The following ZDHHC20 variants were observed in gnomAD, a reference collection of about 807,000 sequenced individuals.
The protein encoded by ZDHHC20 is zDHHC palmitoyltransferase 20.
Under a neutral mutation model 57.8 loss-of-function variants are expected in ZDHHC20, and 43 were observed. The ratio of observed to expected loss-of-function variants is 0.74; its 90% CI spans 0.58 to 0.96. ZDHHC20 has a LOEUF of 0.96. ZDHHC20 is among the 40% of genes least tolerant of loss of function. ZDHHC20 has a pLI of 0.00. For synonymous variants in ZDHHC20, 157 were observed against 153.0 expected, an observed-to-expected ratio of 1.03 and a Z score of -0.19; for missense variants, 391 against 441.1, an observed-to-expected ratio of 0.89 and a Z score of 1.02.
chr13:21,433,317 T>TA (rs542418296), intron 1 of ZDHHC20, among the ~76,000 whole-genome samples: 3 of 151,904 alleles, frequency 2.0e-5, no homozygotes, highest in South Asian at 4.2e-4. Flanking sequence ...TTGATTTCCT[T>TA]AAAAAAATAC....
Position 21,459,238 on chromosome 13 carries a change from T to G in ZDHHC20, c.-67A>C. 1 of 1,273,756 alleles carries G rather than the reference T, an allele frequency of 7.9e-7. No individual in the cohort carries two copies. Among genetic ancestry groups the G allele is most frequent in the Non-Finnish European group, 1.1e-6 (1 of 924,056 alleles). The allele number at this position is 1,273,756 out of a possible 1,614,324, so 78.9% of individuals were successfully genotyped here. On this transcript the variant is annotated 5_prime_UTR_variant, in exon 1 of 13. Coordinates refer to ENST00000400590, the MANE Select transcript of ZDHHC20 (RefSeq NM_001330059.2). ...GGGAGCGCGGGAGCCCCGGCGACGG[T>G]GACTCGGACGCTCCAGGCGGCTGCT...
At chr13:21,426,354 T>G (rs1334691790) in intron 1 of ZDHHC20, among the ~76,000 whole-genome samples, 3 of 152,176 alleles carry the variant, frequency 2.0e-5, no homozygotes, top group Non-Finnish European at 2.9e-5. Flanking sequence ...GGTTCTACTA[T>G]CTAAGTCTCT....
At chr13:21,407,605 T>A (rs1405740319) in intron 4 of ZDHHC20, among the ~76,000 whole-genome samples, 1 of 152,228 alleles carries the variant, frequency 6.6e-6, no homozygotes, top group Admixed American at 6.5e-5. Context: ...TTTCTTTTGC[T>A]GTGCAGAAGC....
intron 4 of ZDHHC20, among the ~76,000 whole-genome samples, chr13:21,403,304 A>AC (rs948080520): frequency 8.5e-5 from 13 of 152,082 alleles, no homozygotes; most frequent in South Asian, 2.1e-4. Flanking sequence ...TAAAAAAAAA[A>AC]AACACTTTTT....
At chr13:21,398,205 C>G (rs917121068) in intron 7 of ZDHHC20, among the ~76,000 whole-genome samples, 1 of 152,142 alleles carries the variant, frequency 6.6e-6, no homozygotes, top group Non-Finnish European at 1.5e-5. Context: ...TGGCTCACAC[C>G]TGTAATCCCA....
At chr13:21,457,143 G>A (rs1884995343) in intron 1 of ZDHHC20, among the ~76,000 whole-genome samples, 1 of 152,206 alleles carries the variant, frequency 6.6e-6, no homozygotes, top group Non-Finnish European at 1.5e-5. Flanking sequence ...TTTATTTGAA[G>A]TGGTGAAAGA....
At chr13:21,381,070 G>A (rs937589619) in intron 11 of ZDHHC20, among the ~76,000 whole-genome samples, 22 of 151,706 alleles carry the variant, frequency 1.5e-4, no homozygotes, top group Non-Finnish European at 2.4e-4. Context: ...GCAGTGGCGC[G>A]ATCTCAGCTC....
intron 1 of ZDHHC20, among the ~76,000 whole-genome samples, chr13:21,442,305 C>A (rs1883257576): frequency 6.6e-6 from 1 of 152,124 alleles, no homozygotes; most frequent in African/African-American, 2.4e-5. Context: ...ATCCTCTATG[C>A]CTTTACTGTA....
chr13:21,376,698 T>C (rs1202457698), intron 12 of ZDHHC20, 43 bp from the exon 13 acceptor site: 2 of 1,289,438 alleles, frequency 1.6e-6, no homozygotes, highest in Non-Finnish European at 2.1e-6. Context: ...CTTGATTTTT[T>C]ATTTCTGAAA....
rs746044620 is a variant in ZDHHC20, at chr13:21,375,142, GA to G, written c.*1553del. On this transcript the variant is annotated 3_prime_UTR_variant, in exon 13 of 13. Coordinates refer to ENST00000400590, the MANE Select transcript of ZDHHC20 (RefSeq NM_001330059.2). ...GAGCAAAACTCTGTGGAAAAAAGAA[GA>G]AAAAAATTTATTGGGTGAATGAAAA... 3.1e-5 allele frequency: 14 copies of G among 456,242 alleles called. No homozygotes were observed. The highest frequency in any genetic ancestry group is 2.2e-4 in the South Asian group (14 of 64,554). The allele number at this position is 456,242 out of a possible 1,614,324, so 28.3% of individuals were successfully genotyped here.
chr13:21,442,447 T>C (rs985653941), intron 1 of ZDHHC20, among the ~76,000 whole-genome samples: 1 of 152,200 alleles, frequency 6.6e-6, no homozygotes, highest in Non-Finnish European at 1.5e-5. Flanking sequence ...TGACTGTTTT[T>C]ATTGAGTTTT....
chr13:21,424,710 C>CA (rs10709528), intron 2 of ZDHHC20, among the ~76,000 whole-genome samples: 7,743 of 124,918 alleles, frequency 0.062, 239 homozygotes, highest in Non-Finnish European at 0.08. Context: ...GACTCTGTCT[C>CA]AAAAAAAAAA....
At chr13:21,405,611 T>C (rs1322829796) in intron 4 of ZDHHC20, among the ~76,000 whole-genome samples, 1 of 152,172 alleles carries the variant, frequency 6.6e-6, no homozygotes, top group Non-Finnish European at 1.5e-5. Context: ...TGATGAGCAA[T>C]GTGTAGGAGG....
At chr13:21,423,917 T>C (rs1315064773) in intron 2 of ZDHHC20, among the ~76,000 whole-genome samples, 1 of 151,960 alleles carries the variant, frequency 6.6e-6, no homozygotes, top group Non-Finnish European at 1.5e-5. Flanking sequence ...TACACTATCA[T>C]ATAACTTTGA....
At chr13:21,454,893 C>T (rs1884775145) in intron 1 of ZDHHC20, among the ~76,000 whole-genome samples, 1 of 151,988 alleles carries the variant, frequency 6.6e-6, no homozygotes, top group South Asian at 2.1e-4. Context: ...GAACAAACAA[C>T]ATAGCTCTTT....
chr13:21,414,965 T>G (rs1311482617), intron 3 of ZDHHC20, among the ~76,000 whole-genome samples: 2 of 152,156 alleles, frequency 1.3e-5, no homozygotes, highest in Non-Finnish European at 2.9e-5. Context: ...ATTCCTCAAT[T>G]TTTATTTACT....
chr13:21,411,417 G>T (rs945957675), intron 4 of ZDHHC20, among the ~76,000 whole-genome samples: 1 of 152,152 alleles, frequency 6.6e-6, no homozygotes, highest in Non-Finnish European at 1.5e-5. Flanking sequence ...AGAAAAAGTA[G>T]AGCTATAAAG....
intron 1 of ZDHHC20, among the ~76,000 whole-genome samples, chr13:21,430,381 T>C (rs1028765368): frequency 2.6e-5 from 4 of 151,836 alleles, no homozygotes; most frequent in African/African-American, 7.3e-5. Context: ...AGGGAACTTG[T>C]TACTGTTTGG....
intron 1 of ZDHHC20, among the ~76,000 whole-genome samples, chr13:21,436,339 T>G (rs1281722851): frequency 6.6e-6 from 1 of 152,254 alleles, no homozygotes. Context: ...CTTTGATTTA[T>G]TGTGCTTTGC....
Sources: allele counts gnomAD v4.1 joint callset (sites outside exome capture counted in the v4.1 genomes callset), GRCh38; gene constraint gnomAD v4.1.1; transcripts MANE v1.5; gene names NCBI Gene and HGNC (gene_info 2026-07-23, HGNC 2026-07-21).